IKZF3: variants seen among roughly 807,000 people sequenced by gnomAD.
IKZF3 encodes the protein IKAROS family zinc finger 3, also known as zinc finger protein Aiolos.
In IKZF3, 10 loss-of-function variants were observed where a neutral mutation model predicts 49.0. The observed-to-expected ratio is 0.20, with a 90% CI of 0.13 to 0.35. IKZF3 has a LOEUF of 0.35. Among genes scored for constraint, IKZF3 ranks in the 10% least tolerant of loss-of-function variants. IKZF3 has a pLI of 1.00. For synonymous variants in IKZF3, 209 were observed against 228.2 expected (o/e 0.92, Z 0.76); for missense variants, 498 against 664.8 (o/e 0.75, Z 2.76).
At chr17:39,799,255 T>G (rs972510359) in intron 3 of IKZF3, among the ~76,000 whole-genome samples, 2 of 152,072 alleles carry the variant, frequency 1.3e-5, no homozygotes, top group African/African-American at 4.8e-5. Flanking sequence ...TCCCATAAAT[T>G]CCTGGTGTAT....
chr17:39,775,082 G>T (rs776924414), intron 7 of IKZF3, among the ~76,000 whole-genome samples: 22 of 152,030 alleles, frequency 1.4e-4, no homozygotes, highest in Non-Finnish European at 2.8e-4. Context: ...GTAAAGAGAG[G>T]CCCAGAAAGG....
At chr17:39,823,505 G>A (rs1201844132) in intron 3 of IKZF3, among the ~76,000 whole-genome samples, 1 of 152,176 alleles carries the variant, frequency 6.6e-6, no homozygotes, top group East Asian at 1.9e-4. Flanking sequence ...TAATTACAAA[G>A]ACAATGGGGA....
Position 39,791,599 on chromosome 17 carries a change from A to G in IKZF3, c.425-16T>C. The G allele has an allele frequency of 6.2e-7, 1 of 1,613,480 alleles. No individual in the cohort carries two copies. The highest frequency in any genetic ancestry group is 1.3e-5 in the African/African-American group (1 of 74,984). ...GGGCGTTCACCTTTAAAAAGGACAA[A>G]AAAGGAGATTTCTGGTCACAGGCAA... On this transcript the variant is annotated splice_polypyrimidine_tract_variant and intron_variant, in intron 4 of 7. Coordinates refer to ENST00000346872, the MANE Select transcript of IKZF3 (RefSeq NM_012481.5).
chr17:39,777,524 G>T lies in IKZF3; in HGVS notation c.826+127C>A, dbSNP rs140864023. ...TCAGAATGAACCATGAAGAATAAAAGTACACAATGAAAAACTAATTATTTT... is the reference window on the plus strand; with the variant it reads ...TCAGAATGAACCATGAAGAATAAAATTACACAATGAAAAACTAATTATTTT... On this transcript the variant is annotated intron_variant, in intron 7 of 7. Coordinates refer to ENST00000346872, the MANE Select transcript of IKZF3 (RefSeq NM_012481.5). 1.8e-4 allele frequency: 113 copies of T among 620,112 alleles called. No homozygotes were observed. The East Asian group carries it at 3.1e-3, about 17-fold the overall frequency. 38.4% of individuals were successfully genotyped at this position (620,112 alleles called of 1,614,324 possible).
In IKZF3 at chr17:39,770,891, C is replaced by T. The variant is rs141055957; in HGVS notation, c.827-4398G>A. On this transcript the variant is annotated intron_variant, in intron 7 of 7. Coordinates refer to ENST00000346872, the MANE Select transcript of IKZF3 (RefSeq NM_012481.5). ...TACGATCTCGACTCACTGCAACCTC[C>T]GTCTCCTGGGTTCAAGTGATTCTCT... 8.5e-3 allele frequency among the ~76,000 whole-genome samples: 1,292 copies of T among 151,578 alleles called. 18 individuals are homozygous for T. Among genetic ancestry groups the T allele is most frequent in the African/African-American group, 0.03 (1,233 of 41,242 alleles).
intron 7 of IKZF3, among the ~76,000 whole-genome samples, chr17:39,775,924 C>CA (rs369139259): frequency 0.056 from 4,710 of 84,008 alleles, 127 homozygotes; most frequent in Middle Eastern, 0.16. Context: ...AACTCTGTCT[C>CA]AAAAAAAAAA....
chr17:39,821,561 T>C (rs8067523), intron 3 of IKZF3, among the ~76,000 whole-genome samples: 14,048 of 151,994 alleles, frequency 0.092, 1,318 homozygotes, highest in African/African-American at 0.24. Flanking sequence ...TGCAAACTAA[T>C]AAGAAAAAAG....
rs953304411 is a variant in IKZF3 at position 39,759,322 on chromosome 17, G to A, written c.*6468C>T. ...TCTCAGCTAGTTGGGAGGCTAAGAC[G>A]GGAGGATGGCTCGTTGCTTGAGCCC... is the stretch of plus-strand genomic sequence containing the variant. On this transcript the variant is annotated 3_prime_UTR_variant, in exon 8 of 8. Transcript: ENST00000346872. 3 of 152,046 alleles carry A rather than the reference G, an allele frequency of 2.0e-5. No homozygotes were observed. The highest frequency in any genetic ancestry group is 1.9e-4 in the East Asian group (1 of 5,178). 9.4% of individuals were successfully genotyped at this position (152,046 alleles called of 1,614,324 possible). A position where few individuals can be genotyped will look rare whatever the true frequency, so the allele number is the denominator to read the frequency against.
At position 39,771,311 on chromosome 17, in the gene IKZF3, T is replaced by C. The variant is rs2060435787; in HGVS notation, c.827-4818A>G. Among the ~76,000 whole-genome samples the C allele has an allele frequency of 1.3e-5, 2 of 152,226 alleles. 1 individual carries two copies. The highest frequency in any genetic ancestry group is 4.1e-4 in the South Asian group (2 of 4,838). Reference sequence around the variant, plus strand: ...AGAAGTATATGCTGTGCAGAGTTGTTATGATATCTATAAAGTGCTTAGCAG... The same window carrying C: ...AGAAGTATATGCTGTGCAGAGTTGTCATGATATCTATAAAGTGCTTAGCAG... On this transcript the variant is annotated intron_variant, in intron 7 of 7. Coordinates refer to ENST00000346872, the MANE Select transcript of IKZF3 (RefSeq NM_012481.5).
chr17:39,810,265 C>A (rs2061519973), intron 3 of IKZF3, among the ~76,000 whole-genome samples: 1 of 152,112 alleles, frequency 6.6e-6, no homozygotes, highest in Admixed American at 6.5e-5. Context: ...AATTATATAT[C>A]TCTCTTATAC....
intron 1 of IKZF3, among the ~76,000 whole-genome samples, chr17:39,861,372 G>A (rs180851165): frequency 6.6e-6 from 1 of 152,292 alleles, no homozygotes; most frequent in Admixed American, 6.5e-5. Flanking sequence ...CCTTCATGGC[G>A]ATGATGCCTG....
rs144914685 is a variant in IKZF3 at position 39,849,216 on chromosome 17, C to G, written c.7+14904G>C. On this transcript the variant is annotated intron_variant, in intron 1 of 7. Coordinates refer to ENST00000346872, the MANE Select transcript of IKZF3 (RefSeq NM_012481.5). The stretch of plus-strand genomic sequence containing the variant: ...TGGGAGGCCAAGGCAGACAAACCAC[C>G]TGAGGTCAGGAGTTTGAGACCAGCC... Among the ~76,000 whole-genome samples, 462 of 151,666 alleles carry G rather than the reference C, an allele frequency of 3.0e-3. 7 individuals are homozygous for G. The highest frequency in any genetic ancestry group is 0.011 in the African/African-American group (444 of 41,292).
intron 1 of IKZF3, among the ~76,000 whole-genome samples, chr17:39,861,621 T>G (rs1227427123): frequency 6.6e-6 from 1 of 152,162 alleles, no homozygotes; most frequent in Non-Finnish European, 1.5e-5. Flanking sequence ...TCTACAGGCT[T>G]TATCTCTGTT....
At chr17:39,839,382 T>C (rs1417927068) in intron 1 of IKZF3, 2 of 600,966 alleles carry the variant, frequency 3.3e-6, no homozygotes, top group African/African-American at 1.9e-5. Context: ...CAGACTCAGC[T>C]TGGTTCTTTT....
At position 39,779,651 on chromosome 17, in the gene IKZF3, TTG is replaced by T. The variant is rs201100724; in HGVS notation, c.710-1886_710-1885del. 1.8e-4 allele frequency among the ~76,000 whole-genome samples: 27 copies of T among 146,248 alleles called. 1 individual carries two copies. The highest frequency in any genetic ancestry group is 5.2e-4 in the African/African-American group (20 of 38,220). On this transcript the variant is annotated intron_variant, in intron 6 of 7. Coordinates refer to ENST00000346872, the MANE Select transcript of IKZF3 (RefSeq NM_012481.5). ...GTCTCTATGTTATATTCTTTGTTTTTTGTTTTTTTTTTTTCTGTTCCACGGCC... is the reference window on the plus strand; with the variant it reads ...GTCTCTATGTTATATTCTTTGTTTTTTTTTTTTTTTTTCTGTTCCACGGCC...
At chr17:39,799,932 T>C (rs1461925934) in intron 3 of IKZF3, among the ~76,000 whole-genome samples, 2 of 152,236 alleles carry the variant, frequency 1.3e-5, no homozygotes, top group Non-Finnish European at 2.9e-5. Context: ...CGCTTTTATG[T>C]AGTTGATGTG....
chr17:39,846,492 T>G (rs994717994), intron 1 of IKZF3, among the ~76,000 whole-genome samples: 21 of 151,436 alleles, frequency 1.4e-4, no homozygotes, highest in Admixed American at 8.5e-4. Flanking sequence ...CCAAGGTTTT[T>G]TTTTTTTTTT....
chr17:39,854,381 A>G (rs907777200), intron 1 of IKZF3, among the ~76,000 whole-genome samples: 4 of 152,166 alleles, frequency 2.6e-5, no homozygotes, highest in African/African-American at 9.7e-5. Context: ...ATCAAATGAA[A>G]AACAGTAATA....
At chr17:39,791,711 CT>C in intron 4 of IKZF3, 128 bp from the exon 5 acceptor site, 1 of 962,254 alleles carries the variant, frequency 1.0e-6, no homozygotes, top group South Asian at 1.6e-5. Flanking sequence ...CAGTTGGGAG[CT>C]GCATTTCAAG....
Sources: allele counts gnomAD v4.1 joint callset (sites outside exome capture counted in the v4.1 genomes callset), GRCh38; gene constraint gnomAD v4.1.1; transcripts MANE v1.5; gene names NCBI Gene and HGNC (gene_info 2026-07-23, HGNC 2026-07-21).